Variants in TP73 observed in about 807,000 individuals in gnomAD.
The protein encoded by TP73 is tumor protein p73.
A neutral mutation model predicts 62.5 loss-of-function variants in TP73; 25 were observed. The observed-to-expected ratio is 0.40, with a 90% CI of 0.29 to 0.56. TP73 has a LOEUF of 0.56. TP73 is among the 20% of genes least tolerant of loss of function. The pLI is 0.46. For missense variants in TP73, 754 were observed against 913.3 expected (o/e 0.83, Z 2.25); for synonymous variants, 423 against 377.5 (o/e 1.12, Z -1.40).
At chr1:3,703,015 G>T (rs1418323333) in intron 3 of TP73, among the ~76,000 whole-genome samples, 1 of 152,216 alleles carries the variant, frequency 6.6e-6, no homozygotes, top group Non-Finnish European at 1.5e-5. Context: ...GGAAGCGAAA[G>T]GGAAGACCAG....
chr1:3,708,494 T>TGAC (rs1394471451), intron 4 of TP73: 1 of 152,698 alleles, frequency 6.5e-6, no homozygotes, highest in Non-Finnish European at 1.5e-5. Flanking sequence ...CGCACAGGGC[T>TGAC]GACTCCATCA....
intron 5 of TP73, 121 bp from the exon 6 acceptor site, chr1:3,723,233 C>CT (rs2124484961): frequency 1.3e-6 from 1 of 749,518 alleles, no homozygotes; most frequent in African/African-American, 1.8e-5. Context: ...GGGTACCTCT[C>CT]TGCACCTGAC....
chr1:3,722,885 GGTGGGCACCTCTGCACCTAGCACAGGA>G (rs1185449261), intron 5 of TP73, among the ~76,000 whole-genome samples: 71 of 148,306 alleles, frequency 4.8e-4, no homozygotes, highest in Admixed American at 1.2e-3. Flanking sequence ...CCTGGCACAG[GGTGGGCACCTCTGCACCTAGCACAGGA>G]GTGGGCACCT....
chr1:3,732,734 CG>C lies in TP73; in HGVS notation c.1579-11del, dbSNP rs775556278. 1.3e-6 allele frequency: 2 copies of C among 1,553,246 alleles called. No homozygotes were observed. Among genetic ancestry groups the C allele is most frequent in the Non-Finnish European group, 1.7e-6 (2 of 1,147,192 alleles). On this transcript the variant is annotated splice_polypyrimidine_tract_variant and intron_variant, in intron 13 of 13. Coordinates refer to ENST00000378295, the MANE Select transcript of TP73 (RefSeq NM_005427.4). ...CCACTGCCCCCTGCCCCTAATGCGC[CG>C]GCCTCTCGCAGGACCTGGGGGCCCT...
At chr1:3,728,261 C>A in intron 9 of TP73, 44 bp downstream of exon 9, 2 of 1,587,424 alleles carry the variant, frequency 1.3e-6, no homozygotes, top group Admixed American at 1.7e-5. Flanking sequence ...CCTGCCTCAC[C>A]TCTGTCGTCT....
chr1:3,689,391 G>A (rs529865786), intron 3 of TP73, among the ~76,000 whole-genome samples: 11 of 152,320 alleles, frequency 7.2e-5, no homozygotes, highest in African/African-American at 2.2e-4. Context: ...AGAGACGGGC[G>A]TCCAGGACTC....
At chr1:3,715,970 G>A (rs1640561208) in intron 4 of TP73, among the ~76,000 whole-genome samples, 1 of 152,172 alleles carries the variant, frequency 6.6e-6, no homozygotes, top group Non-Finnish European at 1.5e-5. Flanking sequence ...GTCTCCCAGG[G>A]AGCCGCGCTT....
In TP73 at chr1:3,732,993, T is replaced by C; in HGVS notation, c.1825T>C (p.Trp609Arg). The C allele has an allele frequency of 6.3e-7, 1 of 1,584,918 alleles. No homozygotes were observed. Among genetic ancestry groups the C allele is most frequent in the Non-Finnish European group, 8.6e-7 (1 of 1,169,346 alleles). Reference protein sequence around the residue: ...RGGPGGGPDEWADFGFDLPDC... With the variant: ...RGGPGGGPDERADFGFDLPDC... Reference sequence around the variant, plus strand: ...CGGCCCAGGCGGCGGCCCTGACGAGTGGGCGGACTTCGGCTTCGACCTGCC... The same window carrying C: ...CGGCCCAGGCGGCGGCCCTGACGAGCGGGCGGACTTCGGCTTCGACCTGCC... The change falls in exon 14 of 14, where the codon TGG (tryptophan) becomes CGG (arginine). Residue 609 changes from tryptophan (W) to arginine (R), a missense_variant. By Grantham distance (101) the Trp-to-Arg change is moderately radical. This residue lies in a region of TP73 where 458 missense variants were observed against 528.7 expected (regional missense o/e 0.87). Coordinates refer to ENST00000378295, the MANE Select transcript of TP73 (RefSeq NM_005427.4).
At chr1:3,678,488 A>G (rs6665164) in intron 1 of TP73, among the ~76,000 whole-genome samples, 3,805 of 152,328 alleles carry the variant, frequency 0.025, 155 homozygotes, top group African/African-American at 0.085. Flanking sequence ...GCCTGTGAGC[A>G]GTGTTCCTGT....
intron 1 of TP73, among the ~76,000 whole-genome samples, chr1:3,679,374 G>A (rs1645454139): frequency 6.6e-6 from 1 of 152,170 alleles, no homozygotes. Context: ...CTCCAGTAGG[G>A]GTGCGGCGGG....
chr1:3,660,159 C>A (rs1191198948), intron 1 of TP73, among the ~76,000 whole-genome samples: 1 of 152,192 alleles, frequency 6.6e-6, no homozygotes, highest in Non-Finnish European at 1.5e-5. Flanking sequence ...AGAAGTCAAG[C>A]CAAGGACTTG....
chr1:3,661,982 C>T (rs986757379), intron 1 of TP73, among the ~76,000 whole-genome samples: 2 of 151,296 alleles, frequency 1.3e-5, no homozygotes, highest in Non-Finnish European at 2.9e-5. Flanking sequence ...TCCCTTGAAG[C>T]CCAGGAGTTG....
chr1:3,686,931 A>G (rs1421036416), intron 3 of TP73, among the ~76,000 whole-genome samples: 1 of 152,152 alleles, frequency 6.6e-6, no homozygotes, highest in Non-Finnish European at 1.5e-5. Context: ...TGCCGGGCCC[A>G]TCGGGAGTAT....
intron 1 of TP73, chr1:3,652,847 G>A (rs1644783969): frequency 6.6e-6 from 1 of 152,314 alleles, no homozygotes; most frequent in African/African-American, 2.4e-5. Flanking sequence ...GGAGCGGCCA[G>A]AGTCTAGCCT....
intron 3 of TP73, chr1:3,690,575 G>A (rs1054811422): frequency 7.7e-6 from 9 of 1,171,628 alleles, no homozygotes; most frequent in Non-Finnish European, 9.6e-6. Flanking sequence ...CAGCCTCCTT[G>A]GTGCGGTCCA....
intron 11 of TP73, among the ~76,000 whole-genome samples, chr1:3,730,708 C>G (rs114483348): frequency 6.6e-6 from 1 of 152,282 alleles, no homozygotes; most frequent in African/African-American, 2.4e-5. Context: ...GTGCCCCGTA[C>G]GCACGGTCAC....
chr1:3,726,016 GGT>G, intron 6 of TP73, among the ~76,000 whole-genome samples: 1 of 98,548 alleles, frequency 1.0e-5, no homozygotes, highest in African/African-American at 4.1e-5. Flanking sequence ...GGATGGGGTG[GGT>G]GTGGGGGTGG....
intron 9 of TP73, among the ~76,000 whole-genome samples, chr1:3,729,051 A>G (rs1028314497): frequency 6.6e-6 from 1 of 152,242 alleles, no homozygotes; most frequent in African/African-American, 2.4e-5. Flanking sequence ...AAAACCCAGT[A>G]TCTGTTGGTA....
chr1:3,726,197 T>G (rs189272868), intron 6 of TP73, among the ~76,000 whole-genome samples: 23 of 94,222 alleles, frequency 2.4e-4, no homozygotes, highest in African/African-American at 8.9e-4. Context: ...GGGGAGTGGA[T>G]GGATGGATGA....
Sources: gnomAD v4.1 joint callset for allele counts (sites outside exome capture counted in the v4.1 genomes callset) on GRCh38, gnomAD v4.1.1 for gene constraint, gnomAD v4.1.1 regional missense constraint, MANE v1.5 for transcripts, NCBI Gene and HGNC (gene_info 2026-07-23, HGNC 2026-07-21) for gene names.